Variants in RAD18 observed in about 807,000 individuals in gnomAD.
RAD18 encodes the protein RAD18 E3 ubiquitin protein ligase.
A neutral mutation model predicts 60.4 loss-of-function variants in RAD18; 47 were observed. The ratio of observed to expected loss-of-function variants is 0.78; its 90% CI spans 0.62 to 0.99. The LOEUF is 0.99. Among genes scored for constraint, RAD18 ranks in the 50% least tolerant of loss-of-function variants. The pLI, the probability that RAD18 is intolerant of heterozygous loss-of-function variation, is 0.00. For missense variants in RAD18, 640 were observed against 593.3 expected, an observed-to-expected ratio of 1.08 and a Z score of -0.82; for synonymous variants, 225 against 195.5, an observed-to-expected ratio of 1.15 and a Z score of -1.26.
intron 12 of RAD18, among the ~76,000 whole-genome samples, chr3:8,884,051 G>A (rs1939515441): frequency 6.6e-6 from 1 of 152,158 alleles, no homozygotes; most frequent in African/African-American, 2.4e-5. Context: ...CCATTAGACA[G>A]GCTAAGTAAA....
chr3:8,953,878 T>TA (rs1168172729), intron 2 of RAD18, among the ~76,000 whole-genome samples: 2 of 152,098 alleles, frequency 1.3e-5, no homozygotes, highest in African/African-American at 4.8e-5. Context: ...TGTGTAGAAG[T>TA]AAAAAGCAAT....
At chr3:8,934,352 C>T (rs1940614860) in intron 7 of RAD18, among the ~76,000 whole-genome samples, 1 of 152,102 alleles carries the variant, frequency 6.6e-6, no homozygotes, top group Non-Finnish European at 1.5e-5. Flanking sequence ...TACATACATC[C>T]AGCAAAAGAT....
rs746997482 is a variant in RAD18, at chr3:8,890,492, G to C, written c.1323-41C>G. ...CATCAGTATTGACAGACAACAAGAAGACTGTATCGTCCCATTTATATAAAA... is the reference window on the plus strand; with the variant it reads ...CATCAGTATTGACAGACAACAAGAACACTGTATCGTCCCATTTATATAAAA... On this transcript the variant is annotated intron_variant, in intron 11 of 12. Coordinates refer to ENST00000264926, the MANE Select transcript of RAD18 (RefSeq NM_020165.4). 19 of 1,415,642 alleles carry C rather than the reference G, an allele frequency of 1.3e-5. No individual in the cohort carries two copies. In the African/African-American group the frequency reaches 2.6e-4, roughly 19 times the overall value. 87.7% of individuals were successfully genotyped at this position (1,415,642 alleles called of 1,614,324 possible). A position where few individuals can be genotyped will look rare whatever the true frequency, so the allele number is the denominator to read the frequency against.
At chr3:8,934,294 A>G (rs1940613879) in intron 7 of RAD18, among the ~76,000 whole-genome samples, 1 of 152,192 alleles carries the variant, frequency 6.6e-6, no homozygotes. Flanking sequence ...AGGAACTTCT[A>G]CTCTTCAATG....
At chr3:8,953,778 T>G (rs192253457) in intron 2 of RAD18, among the ~76,000 whole-genome samples, 248 of 151,456 alleles carry the variant, frequency 1.6e-3, no homozygotes, top group African/African-American at 5.2e-3. Context: ...TTGTGGACAC[T>G]GATAAATTAC....
chr3:8,884,869 T>G (rs1195750581), intron 12 of RAD18, among the ~76,000 whole-genome samples: 1 of 152,244 alleles, frequency 6.6e-6, no homozygotes, highest in Non-Finnish European at 1.5e-5. Context: ...CACATTGACT[T>G]ACTGGAATAA....
chr3:8,908,001 G>T (rs965507997), intron 9 of RAD18, among the ~76,000 whole-genome samples: 18 of 152,174 alleles, frequency 1.2e-4, no homozygotes, highest in African/African-American at 4.1e-4. Context: ...CACAAAGGGG[G>T]TCAAGGTCCA....
At chr3:8,891,772 G>A (rs185019415) in intron 11 of RAD18, among the ~76,000 whole-genome samples, 1 of 152,298 alleles carries the variant, frequency 6.6e-6, no homozygotes, top group East Asian at 1.9e-4. Flanking sequence ...CTAAAATGAA[G>A]TTTCAGGATT....
intron 7 of RAD18, among the ~76,000 whole-genome samples, chr3:8,933,438 A>T (rs1940593909): frequency 6.6e-6 from 1 of 152,220 alleles, no homozygotes; most frequent in Non-Finnish European, 1.5e-5. Flanking sequence ...CTAACTATAC[A>T]CTTTCAAAGG....
chr3:8,892,713 T>C (rs989646617), intron 11 of RAD18, among the ~76,000 whole-genome samples: 5 of 152,328 alleles, frequency 3.3e-5, no homozygotes, highest in South Asian at 2.1e-4. Context: ...ATTCCTTTTG[T>C]AGCATCTTAT....
In RAD18 at chr3:8,877,132, T is replaced by C. The variant is rs943852238; in HGVS notation, c.*4225A>G. 2 of 152,248 alleles carry C rather than the reference T, an allele frequency of 1.3e-5. No homozygotes were observed. Among genetic ancestry groups the C allele is most frequent in the African/African-American group, 2.4e-5 (1 of 41,466 alleles). 9.4% of individuals were successfully genotyped at this position (152,248 alleles called of 1,614,324 possible). On this transcript the variant is annotated 3_prime_UTR_variant, in exon 13 of 13. Coordinates refer to ENST00000264926, the MANE Select transcript of RAD18 (RefSeq NM_020165.4). Reference sequence around the variant, plus strand: ...TTTTGGAATCAAAGGAGTCAGAAGATGCATGCATCAGTTTCTGGGTGTCCA... The same window carrying C: ...TTTTGGAATCAAAGGAGTCAGAAGACGCATGCATCAGTTTCTGGGTGTCCA...
At position 8,878,398 on chromosome 3, in the gene RAD18, T is replaced by A. The variant is rs559760785; in HGVS notation, c.*2959A>T. On this transcript the variant is annotated 3_prime_UTR_variant, in exon 13 of 13. Coordinates refer to ENST00000264926, the MANE Select transcript of RAD18 (RefSeq NM_020165.4). ...ATTACTGAAATGGTAAAAAATGTAA[T>A]GGTTGTGGTTTTCCCTCTTATGTTC... The A allele has an allele frequency of 6.6e-6, 1 of 152,110 alleles. No homozygotes were observed. Among genetic ancestry groups the A allele is most frequent in the South Asian group, 2.1e-4 (1 of 4,822 alleles). The allele number at this position is 152,110 out of a possible 1,614,324, so 9.4% of individuals were successfully genotyped here. A position where few individuals can be genotyped will look rare whatever the true frequency, so the allele number is the denominator to read the frequency against.
intron 7 of RAD18, among the ~76,000 whole-genome samples, chr3:8,924,843 A>G (rs1290650778): frequency 5.0e-4 from 67 of 132,740 alleles, no homozygotes; most frequent in East Asian, 1.6e-3. Context: ...GCAGAAATAA[A>G]GATGTTCTTT....
chr3:8,952,668 G>A (rs1559800575), intron 2 of RAD18, among the ~76,000 whole-genome samples: 1 of 152,154 alleles, frequency 6.6e-6, no homozygotes, highest in South Asian at 2.1e-4. Flanking sequence ...AATAAACACT[G>A]CACTTAGTAT....
intron 7 of RAD18, among the ~76,000 whole-genome samples, chr3:8,920,947 T>C (rs1016561817): frequency 2.6e-5 from 4 of 152,218 alleles, no homozygotes; most frequent in Non-Finnish European, 5.9e-5. Flanking sequence ...TGAATAAAAG[T>C]ATTATAACAA....
chr3:8,922,010 G>A (rs180751092), intron 7 of RAD18, among the ~76,000 whole-genome samples: 1 of 152,346 alleles, frequency 6.6e-6, no homozygotes, highest in Admixed American at 6.5e-5. Flanking sequence ...CTCAGCATGA[G>A]CGACGCAGAA....
At chr3:8,885,643 A>C (rs1467595646) in intron 12 of RAD18, among the ~76,000 whole-genome samples, 2 of 152,354 alleles carry the variant, frequency 1.3e-5, no homozygotes, top group East Asian at 3.9e-4. Flanking sequence ...CCCAAAAGAC[A>C]GGCACTGTAA....
rs910631957 is a variant in RAD18 at position 8,880,240 on chromosome 3, A to T, written c.*1117T>A. 1 of 152,224 alleles carries T rather than the reference A, an allele frequency of 6.6e-6. No homozygotes were observed. Among genetic ancestry groups the T allele is most frequent in the Admixed American group, 6.5e-5 (1 of 15,286 alleles). 9.4% of individuals were successfully genotyped at this position (152,224 alleles called of 1,614,324 possible). On this transcript the variant is annotated 3_prime_UTR_variant, in exon 13 of 13. Coordinates refer to ENST00000264926, the MANE Select transcript of RAD18 (RefSeq NM_020165.4). ...TTATCAGAAACCCCAAGGCATACCAAAAAGACAAGGTCAACGGAGACAGTC... is the reference window on the plus strand; with the variant it reads ...TTATCAGAAACCCCAAGGCATACCATAAAGACAAGGTCAACGGAGACAGTC...
At chr3:8,945,700 G>A (rs1210779241) in intron 4 of RAD18, among the ~76,000 whole-genome samples, 1 of 151,790 alleles carries the variant, frequency 6.6e-6, no homozygotes, top group Non-Finnish European at 1.5e-5. Context: ...TCGATCTCCT[G>A]ACCTCGTGAT....
Sources: gnomAD v4.1 joint callset for allele counts (sites outside exome capture counted in the v4.1 genomes callset) on GRCh38, gnomAD v4.1.1 for gene constraint, MANE v1.5 for transcripts, NCBI Gene and HGNC (gene_info 2026-07-23, HGNC 2026-07-21) for gene names.